The following NCAPD3 variants were observed in gnomAD, a reference collection of about 807,000 sequenced individuals.
The protein encoded by NCAPD3 is non-SMC condensin II complex subunit D3, also known as condensin-2 complex subunit D3.
Under a neutral mutation model 182.9 loss-of-function variants are expected in NCAPD3, and 105 were observed. That is an observed-to-expected ratio of 0.57 (90% CI 0.49 to 0.68). The LOEUF is 0.68. Among genes scored for constraint, NCAPD3 ranks in the 30% least tolerant of loss-of-function variants. The probability of loss-of-function intolerance (pLI) is 0.00; values close to 1 mark genes in which losing one functional copy is unlikely to be tolerated. For synonymous variants in NCAPD3, 815 were observed against 679.9 expected, an observed-to-expected ratio of 1.20 and a Z score of -3.09; for missense variants, 1,944 against 1,837.0, an observed-to-expected ratio of 1.06 and a Z score of -1.07.
chr11:134,195,435 C>G (rs1485359944), intron 13 of NCAPD3, among the ~76,000 whole-genome samples: 1 of 151,990 alleles, frequency 6.6e-6, no homozygotes, highest in Non-Finnish European at 1.5e-5. Flanking sequence ...TTACTGAGGA[C>G]CCTAAAGAGA....
chr11:134,210,275 T>C lies in NCAPD3; in HGVS notation c.562A>G (p.Ile188Val), dbSNP rs1937782718. 3.7e-6 allele frequency: 6 copies of C among 1,611,138 alleles called. No homozygotes were observed. Among genetic ancestry groups the C allele is most frequent in the Non-Finnish European group, 4.2e-6 (5 of 1,179,196 alleles). Residue 188 changes from isoleucine to valine, a missense_variant, in exon 4 of 35, where the codon ATT (isoleucine) becomes GTT (valine). This residue lies in a region of NCAPD3 where 1,803 missense variants were observed against 1,674.6 expected (regional missense o/e 1.08). Transcript: ENST00000534548. Reference sequence around the variant, plus strand: ...ATACTCAACTTACTTCTTACCTCAATATCTTCTCTCCTGGGTGGCTTTCCC... The same window carrying C: ...ATACTCAACTTACTTCTTACCTCAACATCTTCTCTCCTGGGTGGCTTTCCC... ...KRGKPPRRED[I>V]EMDEIIEEQE...
chr11:134,165,694 G>A (rs1943760186), intron 27 of NCAPD3, among the ~76,000 whole-genome samples: 1 of 146,224 alleles, frequency 6.8e-6, no homozygotes, highest in Non-Finnish European at 1.5e-5. Flanking sequence ...TGTGAGATGA[G>A]CTTGGGGGAG....
At chr11:134,205,757 G>A (rs1169737885) in intron 8 of NCAPD3, among the ~76,000 whole-genome samples, 2 of 152,150 alleles carry the variant, frequency 1.3e-5, no homozygotes, top group East Asian at 1.9e-4. Context: ...AGACTATTGC[G>A]ACTGGCATAT....
At chr11:134,158,224 G>C (rs184822748) in intron 30 of NCAPD3, 105 bp downstream of exon 30, 1 of 1,536,744 alleles carries the variant, frequency 6.5e-7, no homozygotes, top group East Asian at 2.3e-5. Context: ...TGGCAGGCCA[G>C]ACAATGACAA....
intron 3 of NCAPD3, among the ~76,000 whole-genome samples, chr11:134,214,322 GTAAGTAA>G (rs202189690): frequency 0.024 from 3,587 of 152,288 alleles, 49 homozygotes; most frequent in Non-Finnish European, 0.035. Flanking sequence ...ACTCAGAGAT[GTAAGTAA>G]TGACAAGAAA....
chr11:134,211,352 A>C (rs1468072334), intron 3 of NCAPD3, among the ~76,000 whole-genome samples: 2 of 152,192 alleles, frequency 1.3e-5, no homozygotes, highest in African/African-American at 4.8e-5. Flanking sequence ...AACATTCCAA[A>C]TGCCCAACAT....
intron 16 of NCAPD3, among the ~76,000 whole-genome samples, chr11:134,187,934 C>T (rs900620147): frequency 2.6e-5 from 4 of 152,212 alleles, no homozygotes; most frequent in Admixed American, 2.6e-4. Flanking sequence ...ACCTCAGGCT[C>T]AGCTTTCATC....
chr11:134,180,500 C>G (rs929049949), intron 20 of NCAPD3, among the ~76,000 whole-genome samples: 2 of 152,200 alleles, frequency 1.3e-5, no homozygotes, highest in African/African-American at 4.8e-5. Flanking sequence ...AATCAGCCCA[C>G]TGTCCCGTCC....
At chr11:134,224,191 T>A, upstream of NCAPD3, 1 of 575,248 alleles carries the variant, frequency 1.7e-6, no homozygotes, top group Non-Finnish European at 3.1e-6. Flanking sequence ...AGGGCCTGAG[T>A]TAAACCCTAA....
chr11:134,160,437 G>C (rs1479462215), intron 28 of NCAPD3, among the ~76,000 whole-genome samples: 2 of 152,066 alleles, frequency 1.3e-5, no homozygotes, highest in Non-Finnish European at 2.9e-5. Context: ...ATCTCTCCCA[G>C]GTTCCCAATG....
intron 13 of NCAPD3, among the ~76,000 whole-genome samples, chr11:134,196,645 CAAAA>C (rs998502328): frequency 3.5e-5 from 2 of 57,878 alleles, no homozygotes; most frequent in Non-Finnish European, 3.4e-5. Context: ...AACTCCATCT[CAAAA>C]AAAAAAAAAA....
At chr11:134,177,022 C>T (rs1332569982) in intron 23 of NCAPD3, among the ~76,000 whole-genome samples, 197 bp downstream of exon 23, 2 of 152,184 alleles carry the variant, frequency 1.3e-5, no homozygotes, top group Non-Finnish European at 2.9e-5. Flanking sequence ...TGAACAAAGT[C>T]CCAAAATGAA....
chr11:134,192,255 A>G (rs973201988), intron 16 of NCAPD3, among the ~76,000 whole-genome samples: 3 of 152,222 alleles, frequency 2.0e-5, no homozygotes, highest in Admixed American at 6.5e-5. Context: ...TGTACAGTGT[A>G]TGTTCAATAA....
At chr11:134,198,073 T>A (rs1412590975) in intron 13 of NCAPD3, among the ~76,000 whole-genome samples, 1 of 152,168 alleles carries the variant, frequency 6.6e-6, no homozygotes, top group Non-Finnish European at 1.5e-5. Flanking sequence ...ATGGACTTCC[T>A]CCTCAGCCAG....
Position 134,158,576 on chromosome 11 carries a change from T to A in NCAPD3, c.3868-81A>T, listed in dbSNP as rs967914364. On this transcript the variant is annotated intron_variant, in intron 29 of 34. Transcript: ENST00000534548. ...CGGATATATGATAGTTGTACATGGT[T>A]GGGGGTCCATATGAGATTTTGATAC... The A allele has an allele frequency of 1.0e-5, 15 of 1,437,874 alleles. No individual in the cohort carries two copies. The African/African-American group carries it at 2.1e-4, about 20-fold the overall frequency. The allele number at this position is 1,437,874 out of a possible 1,614,324, so 89.1% of individuals were successfully genotyped here.
At chr11:134,189,125 T>C (rs778418486) in intron 16 of NCAPD3, among the ~76,000 whole-genome samples, 6 of 151,946 alleles carry the variant, frequency 3.9e-5, no homozygotes, top group Non-Finnish European at 7.4e-5. Flanking sequence ...TAAAAAATAC[T>C]AATACATTCT....
At chr11:134,156,941 T>C in intron 32 of NCAPD3, 77 bp downstream of exon 32, 1 of 1,316,374 alleles carries the variant, frequency 7.6e-7, no homozygotes, top group Non-Finnish European at 1.1e-6. Context: ...GAAGGAGTTT[T>C]ACTGCGACTC....
chr11:134,160,985 T>C (rs927902171), intron 28 of NCAPD3, among the ~76,000 whole-genome samples: 4 of 151,862 alleles, frequency 2.6e-5, no homozygotes, highest in Non-Finnish European at 5.9e-5. Flanking sequence ...AGTCAGGCAA[T>C]AAATACAAGA....
chr11:134,197,921 C>T (rs767885672), intron 13 of NCAPD3, among the ~76,000 whole-genome samples: 7 of 152,198 alleles, frequency 4.6e-5, no homozygotes, highest in South Asian at 2.1e-4. Context: ...TCACAGCTAA[C>T]GTCGTACTCA....
Sources: gnomAD v4.1 joint callset for allele counts (sites outside exome capture counted in the v4.1 genomes callset) on GRCh38, gnomAD v4.1.1 for gene constraint, gnomAD v4.1.1 regional missense constraint, MANE v1.5 for transcripts, NCBI Gene and HGNC (gene_info 2026-07-23, HGNC 2026-07-21) for gene names.